The following GPAT4 variants were observed in gnomAD, a reference collection of about 807,000 sequenced individuals.
The protein encoded by GPAT4 is glycerol-3-phosphate acyltransferase 4.
Under a neutral mutation model 58.0 loss-of-function variants are expected in GPAT4, and 17 were observed. The ratio of observed to expected loss-of-function variants is 0.29; its 90% CI spans 0.20 to 0.44. GPAT4 has a LOEUF of 0.44. Among genes scored for constraint, GPAT4 ranks in the 20% least tolerant of loss-of-function variants. GPAT4 has a pLI of 1.00. For synonymous variants in GPAT4, 204 were observed against 210.1 expected, an observed-to-expected ratio of 0.97 and a Z score of 0.25; for missense variants, 377 against 574.5, an observed-to-expected ratio of 0.66 and a Z score of 3.51.
chr8:41,611,838 TCAGTA>T, intron 5 of GPAT4, 60 bp from the exon 6 acceptor site: 1 of 1,485,424 alleles, frequency 6.7e-7, no homozygotes, highest in Non-Finnish European at 9.4e-7. Flanking sequence ...GCTGTTGAAG[TCAGTA>T]ACTCTTTCTG....
At chr8:41,582,402 T>C (rs1802539972) in intron 1 of GPAT4, among the ~76,000 whole-genome samples, 1 of 151,760 alleles carries the variant, frequency 6.6e-6, no homozygotes, top group African/African-American at 2.4e-5. Context: ...CCCTTTCTGC[T>C]GTACCATTTT....
intron 2 of GPAT4, among the ~76,000 whole-genome samples, chr8:41,606,868 G>T (rs1167996345): frequency 1.3e-5 from 2 of 152,150 alleles, no homozygotes; most frequent in African/African-American, 4.8e-5. Context: ...CTGACTCTCA[G>T]TTCTTTCTAG....
At chr8:41,580,276 G>A (rs1333812453) in intron 1 of GPAT4, among the ~76,000 whole-genome samples, 1 of 152,166 alleles carries the variant, frequency 6.6e-6, no homozygotes, top group Non-Finnish European at 1.5e-5. Flanking sequence ...AGCTATAAAC[G>A]GTGTAGATAA....
intron 2 of GPAT4, among the ~76,000 whole-genome samples, chr8:41,605,708 G>C (rs1379212934): frequency 6.6e-6 from 1 of 152,130 alleles, no homozygotes; most frequent in Non-Finnish European, 1.5e-5. Context: ...GAGTAGTTGG[G>C]GTTACAGGCC....
chr8:41,604,824 G>GT (rs1803215293), intron 2 of GPAT4, among the ~76,000 whole-genome samples: 1 of 152,196 alleles, frequency 6.6e-6, no homozygotes, highest in Non-Finnish European at 1.5e-5. Context: ...TTTGTGTTGG[G>GT]TCAGGCAGCT....
At chr8:41,618,663 C>T in intron 10 of GPAT4, 21 bp from the exon 11 acceptor site, 12 of 1,613,356 alleles carry the variant, frequency 7.4e-6, no homozygotes, top group Non-Finnish European at 1.0e-5. Context: ...TGTCTTACCT[C>T]CAGCTTTCCA....
chr8:41,589,990 G>A (rs1289602303), intron 1 of GPAT4, among the ~76,000 whole-genome samples: 1 of 152,236 alleles, frequency 6.6e-6, no homozygotes, highest in Non-Finnish European at 1.5e-5. Context: ...AAACTGGCAT[G>A]TACGAGCGTT....
intron 1 of GPAT4, among the ~76,000 whole-genome samples, chr8:41,588,299 C>G (rs1198537097): frequency 6.6e-6 from 1 of 152,176 alleles, no homozygotes; most frequent in Admixed American, 6.5e-5. Context: ...TGCACATATT[C>G]TAGCAGTTAT....
At chr8:41,601,494 AT>A (rs1285638471) in intron 2 of GPAT4, among the ~76,000 whole-genome samples, 1 of 152,230 alleles carries the variant, frequency 6.6e-6, no homozygotes, top group African/African-American at 2.4e-5. Flanking sequence ...TCAGGATAGA[AT>A]TAGTAGAAAA....
At chr8:41,606,310 C>G (rs2150498297) in intron 2 of GPAT4, among the ~76,000 whole-genome samples, 1 of 152,236 alleles carries the variant, frequency 6.6e-6, no homozygotes, top group East Asian at 1.9e-4. Flanking sequence ...AACTCCAGGT[C>G]AATAGCCTCA....
chr8:41,618,651 C>T lies in GPAT4; in HGVS notation c.1054-33C>T, dbSNP rs117819022. The T allele has an allele frequency of 2.1e-3, 3,357 of 1,612,498 alleles. 8 individuals carry two copies. The highest frequency in any genetic ancestry group is 2.7e-3 in the Non-Finnish European group (3,136 of 1,179,550). ...ACTCGCAAACGTTGTGAGAACTACT[C>T]ATGTCTTACCTCCAGCTTTCCATTG... On this transcript the variant is annotated intron_variant, in intron 10 of 12. Coordinates refer to ENST00000396987, the MANE Select transcript of GPAT4 (RefSeq NM_178819.4).
At chr8:41,616,333 G>A (rs1409900645) in intron 10 of GPAT4, among the ~76,000 whole-genome samples, 1 of 152,216 alleles carries the variant, frequency 6.6e-6, no homozygotes, top group African/African-American at 2.4e-5. Flanking sequence ...GTCTCAGTCT[G>A]TCACCCAGGC....
intron 10 of GPAT4, chr8:41,618,384 A>G (rs1803654042): frequency 5.0e-6 from 2 of 401,150 alleles, no homozygotes; most frequent in Admixed American, 3.8e-5. Flanking sequence ...TGAAAACTTT[A>G]TATACCTATG....
At chr8:41,601,996 C>G (rs1037187025) in intron 2 of GPAT4, among the ~76,000 whole-genome samples, 1 of 152,134 alleles carries the variant, frequency 6.6e-6, no homozygotes, top group African/African-American at 2.4e-5. Flanking sequence ...GCTCTTTTGC[C>G]CAGGCTGGAG....
At chr8:41,613,336 A>C (rs1173990120) in intron 8 of GPAT4, among the ~76,000 whole-genome samples, 1 of 152,140 alleles carries the variant, frequency 6.6e-6, no homozygotes, top group Non-Finnish European at 1.5e-5. Context: ...CAGTGAGCTG[A>C]GATCGCGCCA....
intron 1 of GPAT4, among the ~76,000 whole-genome samples, chr8:41,586,270 GGTTCCATT>G (rs1802652801): frequency 6.6e-6 from 1 of 152,094 alleles, no homozygotes; most frequent in Non-Finnish European, 1.5e-5. Context: ...TATGGCCAAA[GGTTCCATT>G]GTATGGATAC....
Position 41,578,227 on chromosome 8 carries a change from G to A in GPAT4, c.-900G>A, listed in dbSNP as rs1276017740. Reference sequence around the variant, plus strand: ...AGCTTGGGCCCGCGGCGGCGGCAAGGGCGGGAGGGAGCGGTCGCCGCGGGA... The same window carrying A: ...AGCTTGGGCCCGCGGCGGCGGCAAGAGCGGGAGGGAGCGGTCGCCGCGGGA... On this transcript the variant is annotated 5_prime_UTR_variant, in exon 1 of 13. Transcript: ENST00000396987. 1 of 151,752 alleles carries A rather than the reference G, an allele frequency of 6.6e-6. No individual in the cohort carries two copies. The highest frequency in any genetic ancestry group is 1.5e-5 in the Non-Finnish European group (1 of 68,046). 9.4% of individuals were successfully genotyped at this position (151,752 alleles called of 1,614,324 possible).
intron 1 of GPAT4, among the ~76,000 whole-genome samples, chr8:41,585,954 T>G (rs1802644343): frequency 1.3e-5 from 2 of 152,264 alleles, no homozygotes; most frequent in Admixed American, 1.3e-4. Context: ...TCTTAGATTC[T>G]TTTAAAAATA....
chr8:41,614,242 A>C, intron 8 of GPAT4, 144 bp from the exon 9 acceptor site: 1 of 646,400 alleles, frequency 1.5e-6, no homozygotes, highest in East Asian at 2.9e-5. Flanking sequence ...TGAGCATTAG[A>C]TTATGGGTTT....
Sources: gnomAD v4.1 joint callset for allele counts (sites outside exome capture counted in the v4.1 genomes callset) on GRCh38, gnomAD v4.1.1 for gene constraint, MANE v1.5 for transcripts, NCBI Gene and HGNC (gene_info 2026-07-23, HGNC 2026-07-21) for gene names.